The following SND1 variants were observed in gnomAD, a reference collection of about 807,000 sequenced individuals.
The protein encoded by SND1 is staphylococcal nuclease domain-containing protein 1.
A neutral mutation model predicts 121.7 loss-of-function variants in SND1; 38 were observed. That is an observed-to-expected ratio of 0.31 (90% CI 0.24 to 0.41). The LOEUF is 0.41. Among genes scored for constraint, SND1 ranks in the 10% least tolerant of loss-of-function variants. SND1 has a pLI of 1.00. For missense variants in SND1, 868 were observed against 1,184.6 expected (o/e 0.73, Z 3.92); for synonymous variants, 401 against 447.4 (o/e 0.90, Z 1.31).
intron 16 of SND1, among the ~76,000 whole-genome samples, chr7:128,000,828 T>C (rs374458316): frequency 6.6e-6 from 1 of 152,220 alleles, no homozygotes; most frequent in African/African-American, 2.4e-5. Context: ...TAATGTATAA[T>C]AGCAAGGCTG....
At chr7:127,672,977 T>G (rs1795549397) in intron 1 of SND1, among the ~76,000 whole-genome samples, 1 of 151,994 alleles carries the variant, frequency 6.6e-6, no homozygotes, top group Non-Finnish European at 1.5e-5. Flanking sequence ...CTGTAATTAC[T>G]TGATTAAGAT....
chr7:127,762,523 A>G (rs143235281), intron 10 of SND1, among the ~76,000 whole-genome samples: 60 of 152,334 alleles, frequency 3.9e-4, no homozygotes, highest in African/African-American at 1.3e-3. Context: ...TTAAAGCCCC[A>G]TCTCCAAATA....
intron 16 of SND1, among the ~76,000 whole-genome samples, chr7:128,026,831 G>C (rs1196123429): frequency 6.6e-6 from 1 of 152,170 alleles, no homozygotes; most frequent in Non-Finnish European, 1.5e-5. Context: ...CCCCAACAAA[G>C]CCAGGGACTA....
At chr7:127,818,384 G>A (rs1343553035) in intron 11 of SND1, among the ~76,000 whole-genome samples, 1 of 152,086 alleles carries the variant, frequency 6.6e-6, no homozygotes, top group Non-Finnish European at 1.5e-5. Context: ...TTGAAACTGT[G>A]CATCATTAAA....
At chr7:127,964,127 T>G (rs1218881534) in intron 15 of SND1, among the ~76,000 whole-genome samples, 1 of 148,918 alleles carries the variant, frequency 6.7e-6, no homozygotes, top group African/African-American at 2.5e-5. Context: ...TAAATTTGTT[T>G]GAGTTCATTG....
At chr7:128,068,433 A>C (rs1400898532) in intron 16 of SND1, among the ~76,000 whole-genome samples, 1 of 152,102 alleles carries the variant, frequency 6.6e-6, no homozygotes, top group African/African-American at 2.4e-5. Context: ...CAGGCCAAGA[A>C]TATGCCTCAC....
chr7:127,939,473 G>T lies in SND1; in HGVS notation c.1669+10144G>T, dbSNP rs946021586. ...ATTTGTTTGGCCTGGTTTAATGGCA[G>T]TCACAGACCTTGGAGCTAAAACACT... On this transcript the variant is annotated intron_variant, in intron 15 of 23. Transcript: ENST00000354725. Among the ~76,000 whole-genome samples the T allele has an allele frequency of 5.3e-5, 8 of 152,206 alleles. 1 individual carries two copies. The highest frequency in any genetic ancestry group is 2.0e-4 in the Admixed American group (3 of 15,290).
intron 9 of SND1, among the ~76,000 whole-genome samples, chr7:127,711,158 G>A (rs1445162303): frequency 6.6e-6 from 1 of 152,202 alleles, no homozygotes; most frequent in African/African-American, 2.4e-5. Flanking sequence ...GTCATCTTTG[G>A]ATTTCTTCAC....
At chr7:128,041,204 G>A (rs770339779) in intron 16 of SND1, among the ~76,000 whole-genome samples, 8 of 152,138 alleles carry the variant, frequency 5.3e-5, no homozygotes, top group Non-Finnish European at 1.2e-4. Context: ...GGAGGTCGAG[G>A]ATGCAGGATC....
chr7:127,782,617 T>C (rs926938614), intron 10 of SND1, among the ~76,000 whole-genome samples: 2 of 152,226 alleles, frequency 1.3e-5, no homozygotes, highest in African/African-American at 4.8e-5. Flanking sequence ...CATGATGCAG[T>C]CAGCCTTTTA....
intron 15 of SND1, among the ~76,000 whole-genome samples, chr7:127,952,350 G>C (rs1268187109): frequency 2.0e-5 from 3 of 152,172 alleles, no homozygotes; most frequent in Admixed American, 2.0e-4. Context: ...AGAATCTCCT[G>C]AGAGGCTGTT....
In SND1 at chr7:127,823,674, C is replaced by A. The variant is rs572891521; in HGVS notation, c.1242+16101C>A. 2.6e-5 allele frequency among the ~76,000 whole-genome samples: 4 copies of A among 152,176 alleles called. No homozygotes were observed. In the South Asian group the frequency reaches 6.2e-4, roughly 24 times the overall value. ...ATCAGTTAGGAACAAATGTTGGATGCCTTGCCTCTCTCAACATTTTCGAGC... is the reference window on the plus strand; with the variant it reads ...ATCAGTTAGGAACAAATGTTGGATGACTTGCCTCTCTCAACATTTTCGAGC... On this transcript the variant is annotated intron_variant, in intron 11 of 23. Coordinates refer to ENST00000354725, the MANE Select transcript of SND1 (RefSeq NM_014390.4).
At chr7:127,761,219 T>G (rs1481554029) in intron 10 of SND1, among the ~76,000 whole-genome samples, 1 of 152,198 alleles carries the variant, frequency 6.6e-6, no homozygotes, top group Non-Finnish European at 1.5e-5. Context: ...TAAGTTAATC[T>G]TCCCCACATC....
intron 16 of SND1, among the ~76,000 whole-genome samples, chr7:128,047,075 C>T (rs1251159254): frequency 6.6e-6 from 1 of 152,132 alleles, no homozygotes; most frequent in Non-Finnish European, 1.5e-5. Flanking sequence ...CCTTTGCAAT[C>T]CTATATATTT....
At chr7:128,079,285 C>T (rs1276118607) in intron 17 of SND1, among the ~76,000 whole-genome samples, 1 of 152,228 alleles carries the variant, frequency 6.6e-6, no homozygotes, top group African/African-American at 2.4e-5. Context: ...AGCTAGAGAC[C>T]CACTTCCCCA....
intron 1 of SND1, among the ~76,000 whole-genome samples, chr7:127,663,109 A>C (rs746514709): frequency 8.6e-5 from 13 of 151,318 alleles, no homozygotes; most frequent in Admixed American, 2.0e-4. Flanking sequence ...CTGGTGTTGA[A>C]CTCCTGGGCT....
chr7:127,987,592 CT>C (rs1802423630), intron 15 of SND1, among the ~76,000 whole-genome samples: 1 of 152,204 alleles, frequency 6.6e-6, no homozygotes, highest in Non-Finnish European at 1.5e-5. Flanking sequence ...AGTCTAGAAA[CT>C]GGATAAACCC....
rs1793659806 is a variant in SND1, at chr7:128,084,711, TCCTC to T, written c.2111-9_2111-6del. The T allele has an allele frequency of 6.2e-7, 1 of 1,602,052 alleles. No homozygotes were observed. Among genetic ancestry groups the T allele is most frequent in the Admixed American group, 1.7e-5 (1 of 59,144 alleles). On this transcript the variant is annotated splice_polypyrimidine_tract_variant and intron_variant, in intron 18 of 23. Transcript: ENST00000354725. The stretch of plus-strand genomic sequence containing the variant: ...CAGCACCCAGGTCTCACTGTGCTCT[TCCTC>T]CCTGGCAGGCACCCAGTTGGAGAAG...
intron 10 of SND1, among the ~76,000 whole-genome samples, chr7:127,753,087 C>A (rs1797130663): frequency 6.6e-6 from 1 of 152,122 alleles, no homozygotes; most frequent in Non-Finnish European, 1.5e-5. Context: ...TTAACTCACT[C>A]CCAGTTTTTT....
Sources: gnomAD v4.1 joint callset for allele counts (sites outside exome capture counted in the v4.1 genomes callset) on GRCh38, gnomAD v4.1.1 for gene constraint, MANE v1.5 for transcripts, NCBI Gene and HGNC (gene_info 2026-07-23, HGNC 2026-07-21) for gene names.